The following BCKDHA variants were observed in gnomAD, a reference collection of about 807,000 sequenced individuals.
BCKDHA encodes the protein branched chain keto acid dehydrogenase E1 subunit alpha.
BCKDHA carries 43 observed loss-of-function variants against 52.2 expected under a neutral mutation model. The observed-to-expected ratio is 0.82, with a 90% confidence interval of 0.64 to 1.06. The LOEUF (loss-of-function observed/expected upper bound fraction) is 1.06. Ranked by LOEUF, BCKDHA falls within the 50% of genes least tolerant of loss-of-function variation. The pLI, the probability that BCKDHA is intolerant of heterozygous loss-of-function variation, is 0.00. For synonymous variants in BCKDHA, 234 were observed against 247.9 expected, an observed-to-expected ratio of 0.94 and a Z score of 0.53; for missense variants, 527 against 621.3, an observed-to-expected ratio of 0.85 and a Z score of 1.61.
At chr19:41,399,359 G>C (rs1220066263) in intron 1 of BCKDHA, 1 of 117,750 alleles carries the variant, frequency 8.5e-6, no homozygotes, top group Non-Finnish European at 1.7e-5. Context: ...TTTTTGAGCA[G>C]TTCATATCCT....
chr19:41,405,389 G>A (rs2039181680), intron 1 of BCKDHA, among the ~76,000 whole-genome samples: 1 of 151,738 alleles, frequency 6.6e-6, no homozygotes, highest in South Asian at 2.1e-4. Flanking sequence ...GGGCTCCAGC[G>A]ATCCTCCCAC....
At chr19:41,410,535 A>G in intron 1 of BCKDHA, 102 bp from the exon 2 acceptor site, 1 of 1,354,454 alleles carries the variant, frequency 7.4e-7, no homozygotes, top group Non-Finnish European at 1.0e-6. Context: ...CACTGGGGCC[A>G]CATGCTCAAC....
In BCKDHA at chr19:41,400,540, G is replaced by T. The variant is rs2039127577; in HGVS notation, c.108+2605G>T. Among the ~76,000 whole-genome samples the T allele has an allele frequency of 2.0e-5, 3 of 150,706 alleles. No homozygotes were observed. In the South Asian group the frequency reaches 6.3e-4, roughly 32 times the overall value. ...CAGGCATAAGCCACTGTGCCTGGCT[G>T]CGCCTGGCTAATTTTTAAATCTTTG... On this transcript the variant is annotated intron_variant, in intron 1 of 8. Transcript: ENST00000269980.
At position 41,414,042 on chromosome 19, in the gene BCKDHA, C is replaced by T. The variant is rs368685336; in HGVS notation, c.376-7C>T. 6.2e-7 allele frequency: 1 copy of T among 1,612,220 alleles called. No individual in the cohort carries two copies. Among genetic ancestry groups the T allele is most frequent in the Non-Finnish European group, 8.5e-7 (1 of 1,178,910 alleles). On this transcript the variant is annotated splice_polypyrimidine_tract_variant and splice_region_variant and intron_variant, in intron 3 of 8. Coordinates refer to ENST00000269980, the MANE Select transcript of BCKDHA (RefSeq NM_000709.4). ...TTGTGGGACCCCGGTCCCCTCTACA[C>T]CCCCAGGGCCGGATCTCCTTCTACA...
intron 4 of BCKDHA, among the ~76,000 whole-genome samples, chr19:41,416,748 C>T (rs2039311999): frequency 6.6e-6 from 1 of 151,872 alleles, no homozygotes; most frequent in African/African-American, 2.4e-5. Context: ...GGCGAGACCC[C>T]CATCTCTAAA....
chr19:41,420,590 CAAA>C (rs11300069), intron 5 of BCKDHA, among the ~76,000 whole-genome samples: 16 of 142,014 alleles, frequency 1.1e-4, no homozygotes, highest in Non-Finnish European at 1.1e-4. Context: ...GATCCTGTCT[CAAA>C]AAAAAAAAAA....
Position 41,424,506 on chromosome 19 carries a change from G to GT in BCKDHA, c.1237dup (p.Tyr413LeufsTer33). 1.2e-6 allele frequency: 2 copies of GT among 1,614,172 alleles called. No homozygotes were observed. The highest frequency in any genetic ancestry group is 1.7e-6 in the Non-Finnish European group (2 of 1,180,040). On this transcript the variant is annotated frameshift_variant, in exon 9 of 9. Coordinates refer to ENST00000269980, the MANE Select transcript of BCKDHA (RefSeq NM_000709.4). LOFTEE classifies it high-confidence loss of function. ...ACCCCAACCTACTCTTCTCAGACGT[G>GT]TATCAGGAGATGCCCGCCCAGCTCC...
rs201638798 is a variant in BCKDHA at position 41,414,075 on chromosome 19, C to T, written c.402C>T (p.Asn134=). 1.8e-5 allele frequency: 29 copies of T among 1,613,824 alleles called. No individual in the cohort carries two copies. In the East Asian group the frequency reaches 6.0e-4, roughly 33 times the overall value. ...RQGRISFYMT[N]YGEEGTHVGS... ...GCCGGATCTCCTTCTACATGACCAA[C>T]TATGGTGAGGAGGGCACGCACGTGG... Residue 134 remains asparagine, a synonymous_variant, in exon 4 of 9, where the codon AAC becomes AAT. Coordinates refer to ENST00000269980, the MANE Select transcript of BCKDHA (RefSeq NM_000709.4).
chr19:41,400,099 G>T (rs1247468609), intron 1 of BCKDHA, among the ~76,000 whole-genome samples: 2 of 151,756 alleles, frequency 1.3e-5, no homozygotes, highest in Non-Finnish European at 2.9e-5. Flanking sequence ...GTCTCACTCT[G>T]TCACCCAGGC....
chr19:41,398,352 G>A (rs1413615764), intron 1 of BCKDHA, among the ~76,000 whole-genome samples: 2 of 152,206 alleles, frequency 1.3e-5, no homozygotes, highest in African/African-American at 4.8e-5. Flanking sequence ...TCAAGAAGAA[G>A]AAAGAAGAGA....
At chr19:41,400,873 G>C (rs932999510) in intron 1 of BCKDHA, among the ~76,000 whole-genome samples, 8 of 151,666 alleles carry the variant, frequency 5.3e-5, no homozygotes, top group African/African-American at 1.9e-4. Flanking sequence ...TTAGCTGGGC[G>C]TAATGGCGTG....
At chr19:41,407,259 G>C (rs764636521) in intron 1 of BCKDHA, among the ~76,000 whole-genome samples, 4 of 152,174 alleles carry the variant, frequency 2.6e-5, no homozygotes, top group African/African-American at 4.8e-5. Flanking sequence ...CCTTCTTACA[G>C]ATAAGGAAAT....
At position 41,424,849 on chromosome 19, in the gene BCKDHA, G is replaced by C. The variant is rs1446023682; in HGVS notation, c.*241G>C. The C allele has an allele frequency of 1.8e-5, 9 of 499,944 alleles. No individual in the cohort carries two copies. Among genetic ancestry groups the C allele is most frequent in the Non-Finnish European group, 3.2e-5 (9 of 281,982 alleles). 31.0% of individuals were successfully genotyped at this position (499,944 alleles called of 1,614,324 possible). A position where few individuals can be genotyped will look rare whatever the true frequency, so the allele number is the denominator to read the frequency against. ...AGCCCCCTCTTCACCTGTTGTTACA[G>C]TGCCTTCTCCCAGGGGCTGGGTGAG... On this transcript the variant is annotated 3_prime_UTR_variant, in exon 9 of 9. Transcript: ENST00000269980.
intron 1 of BCKDHA, among the ~76,000 whole-genome samples, chr19:41,403,100 C>T (rs1220090984): frequency 1.3e-5 from 2 of 152,204 alleles, no homozygotes; most frequent in African/African-American, 4.8e-5. Flanking sequence ...GCGTTCCAGA[C>T]CCCAAACACC....
intron 1 of BCKDHA, among the ~76,000 whole-genome samples, chr19:41,402,272 A>G (rs116827405): frequency 1.4e-3 from 210 of 152,262 alleles, no homozygotes; most frequent in African/African-American, 5.0e-3. Context: ...GACAGAGACA[A>G]ACCATGTCAG....
rs556093885 is a variant in BCKDHA, at chr19:41,424,601, A to G, written c.1331A>G (p.Asp444Gly). ...YGEHYPLDHFDK is the reference protein window; with the variant it reads ...YGEHYPLDHFGK ...GAGCACTACCCACTGGATCACTTCGATAAGTGAGACCTGCTCAGCCCACCC... is the reference window on the plus strand; with the variant it reads ...GAGCACTACCCACTGGATCACTTCGGTAAGTGAGACCTGCTCAGCCCACCC... The change falls in exon 9 of 9, where the codon GAT (aspartate) becomes GGT (glycine). Residue 444 changes from aspartate (D) to glycine (G), a missense_variant. Coordinates refer to ENST00000269980, the MANE Select transcript of BCKDHA (RefSeq NM_000709.4). The G allele has an allele frequency of 1.7e-5, 27 of 1,602,048 alleles. No individual in the cohort carries two copies. The highest frequency in any genetic ancestry group is 2.2e-5 in the Non-Finnish European group (26 of 1,172,024).
At position 41,422,249 on chromosome 19, in the gene BCKDHA, G is replaced by A. The variant is rs1192566664; in HGVS notation, c.732G>A (p.Gly244=). The stretch of plus-strand genomic sequence containing the variant: ...TCGGCGAGGGGGCAGCCAGTGAGGG[G>A]GACGCCCATGCCGGCTTCAACTTCG... ...CYFGEGAASE[G]DAHAGFNFAA... Residue 244 remains glycine (G), a synonymous_variant, in exon 6 of 9, where the codon GGG becomes GGA. Coordinates refer to ENST00000269980, the MANE Select transcript of BCKDHA (RefSeq NM_000709.4). 1.9e-6 allele frequency: 3 copies of A among 1,614,088 alleles called. No homozygotes were observed. The Admixed American group carries it at 5.0e-5, about 27-fold the overall frequency.
At chr19:41,406,488 C>T (rs1250713977) in intron 1 of BCKDHA, among the ~76,000 whole-genome samples, 1 of 152,124 alleles carries the variant, frequency 6.6e-6, no homozygotes, top group Non-Finnish European at 1.5e-5. Context: ...GCCTTGACCT[C>T]CTGGGCTCAA....
chr19:41,401,094 G>A (rs1424454114), intron 1 of BCKDHA, among the ~76,000 whole-genome samples: 3 of 151,582 alleles, frequency 2.0e-5, no homozygotes, highest in Non-Finnish European at 2.9e-5. Flanking sequence ...TTGTTTTTTC[G>A]AGGTGGAGTT....
Sources: allele counts gnomAD v4.1 joint callset (sites outside exome capture counted in the v4.1 genomes callset), GRCh38; gene constraint gnomAD v4.1.1; transcripts MANE v1.5; gene names NCBI Gene and HGNC (gene_info 2026-07-23, HGNC 2026-07-21).